The following MICU2 variants were observed in gnomAD, a reference collection of about 807,000 sequenced individuals.
MICU2 encodes calcium uptake protein 2, mitochondrial.
In MICU2, 64 loss-of-function variants were observed where a neutral mutation model predicts 60.4. The ratio of observed to expected loss-of-function variants is 1.06; its 90% confidence interval spans 0.87 to 1.31. MICU2 has a LOEUF of 1.31. MICU2 is among the 50% of genes most tolerant of loss of function. MICU2 has a pLI of 0.00. For synonymous variants in MICU2, 201 were observed against 175.0 expected (o/e 1.15, Z -1.17); for missense variants, 569 against 531.0 (o/e 1.07, Z -0.70).
intron 6 of MICU2, among the ~76,000 whole-genome samples, chr13:21,518,233 G>T (rs1464071864): frequency 6.6e-6 from 1 of 152,176 alleles, no homozygotes; most frequent in African/African-American, 2.4e-5. Context: ...ACAAATTCAG[G>T]AGTAGAGGCT....
chr13:21,568,359 C>T (rs774538776), intron 1 of MICU2, among the ~76,000 whole-genome samples: 2 of 147,356 alleles, frequency 1.4e-5, no homozygotes, highest in East Asian at 1.9e-4. Context: ...GAATATTGCA[C>T]GTGTACAGAA....
intron 2 of MICU2, among the ~76,000 whole-genome samples, chr13:21,559,830 T>C (rs1022475460): frequency 6.6e-6 from 1 of 152,166 alleles, no homozygotes; most frequent in African/African-American, 2.4e-5. Context: ...CAGCCCAAAG[T>C]AGTAGTTTCA....
At position 21,588,463 on chromosome 13, in the gene MICU2, C is replaced by T. The variant is rs573877316; in HGVS notation, c.210+15476G>A. ...CTCTCTGCTATATCCCGAAGTCCAGCACCCTGCAGGTCAGCCCCCAAGGGC... is the reference window on the plus strand; with the variant it reads ...CTCTCTGCTATATCCCGAAGTCCAGTACCCTGCAGGTCAGCCCCCAAGGGC... On this transcript the variant is annotated intron_variant, in intron 1 of 11. Coordinates refer to ENST00000382374, the MANE Select transcript of MICU2 (RefSeq NM_152726.3). Among the ~76,000 whole-genome samples, 3 of 152,348 alleles carry T rather than the reference C, an allele frequency of 2.0e-5. No individual in the cohort carries two copies. In the South Asian group the frequency reaches 6.2e-4, roughly 32 times the overall value.
intron 4 of MICU2, among the ~76,000 whole-genome samples, chr13:21,525,131 T>G (rs1298042942): frequency 6.6e-6 from 1 of 151,432 alleles, no homozygotes. Flanking sequence ...CTTTTGGGTA[T>G]ATACCCAGAA....
At position 21,525,652 on chromosome 13, in the gene MICU2, T is replaced by C. The variant is rs1886834820; in HGVS notation, c.467-3002A>G. 2.0e-5 allele frequency among the ~76,000 whole-genome samples: 3 copies of C among 152,022 alleles called. No homozygotes were observed. In the South Asian group the frequency reaches 6.2e-4, roughly 32 times the overall value. On this transcript the variant is annotated intron_variant, in intron 4 of 11. Coordinates refer to ENST00000382374, the MANE Select transcript of MICU2 (RefSeq NM_152726.3). ...ACGTGGTATCTCATTGCGGTTTTGA[T>C]TTGCATTTCCCTGATGATTAGTGAC...
intron 1 of MICU2, among the ~76,000 whole-genome samples, chr13:21,599,587 A>T (rs2031274): frequency 2.6e-5 from 4 of 152,152 alleles, no homozygotes; most frequent in Admixed American, 6.5e-5. Context: ...TTGGCCAGGT[A>T]TAACAACACC....
chr13:21,549,110 T>C (rs1172366502), intron 2 of MICU2, among the ~76,000 whole-genome samples: 1 of 151,700 alleles, frequency 6.6e-6, no homozygotes, highest in Non-Finnish European at 1.5e-5. Flanking sequence ...TTTGCATTTT[T>C]AGTAGAGACG....
chr13:21,561,926 T>C (rs1241921367), intron 2 of MICU2, among the ~76,000 whole-genome samples: 4 of 141,190 alleles, frequency 2.8e-5, no homozygotes, highest in Non-Finnish European at 4.6e-5. Context: ...GTGTTCTCAT[T>C]GTTCAATTCC....
chr13:21,535,497 T>C (rs1887109789), intron 4 of MICU2, among the ~76,000 whole-genome samples: 1 of 152,184 alleles, frequency 6.6e-6, no homozygotes, highest in Non-Finnish European at 1.5e-5. Context: ...TACTTGAAAT[T>C]TAAACATCTT....
At chr13:21,586,096 T>C (rs1888450792) in intron 1 of MICU2, among the ~76,000 whole-genome samples, 1 of 152,192 alleles carries the variant, frequency 6.6e-6, no homozygotes, top group South Asian at 2.1e-4. Context: ...GTCCTATATT[T>C]ATCATAATTG....
At chr13:21,536,362 C>CTTG (rs566090614) in intron 4 of MICU2, among the ~76,000 whole-genome samples, 79 of 150,568 alleles carry the variant, frequency 5.2e-4, no homozygotes, top group African/African-American at 1.8e-3. Flanking sequence ...GAGACACGGT[C>CTTG]TTGCTCTGTT....
chr13:21,532,938 T>G (rs1172238204), intron 4 of MICU2, among the ~76,000 whole-genome samples: 1 of 151,994 alleles, frequency 6.6e-6, no homozygotes, highest in Non-Finnish European at 1.5e-5. Context: ...TAAGTTTACA[T>G]AAGGTAGGAA....
At chr13:21,580,170 T>C (rs530748201) in intron 1 of MICU2, among the ~76,000 whole-genome samples, 158 of 152,268 alleles carry the variant, frequency 1.0e-3, no homozygotes, top group Non-Finnish European at 2.0e-3. Context: ...GGAAGCAGTA[T>C]AAAATTATGC....
intron 2 of MICU2, among the ~76,000 whole-genome samples, chr13:21,552,947 T>C (rs546969098): frequency 1.6e-3 from 246 of 152,332 alleles, no homozygotes; most frequent in African/African-American, 5.7e-3. Context: ...TTTAAAGTAG[T>C]TTTTTCCAAT....
intron 4 of MICU2, among the ~76,000 whole-genome samples, chr13:21,528,356 A>C (rs1466040500): frequency 1.3e-5 from 2 of 152,250 alleles, no homozygotes; most frequent in Non-Finnish European, 2.9e-5. Flanking sequence ...TATCTTCTGA[A>C]TCTTTTATAA....
chr13:21,498,228 A>G (rs1031003434), intron 9 of MICU2, among the ~76,000 whole-genome samples: 1 of 152,116 alleles, frequency 6.6e-6, no homozygotes, highest in African/African-American at 2.4e-5. Context: ...AAAGTTTTTG[A>G]AAAAGTAATA....
At chr13:21,516,681 A>AG (rs1886577683) in intron 6 of MICU2, among the ~76,000 whole-genome samples, 1 of 152,222 alleles carries the variant, frequency 6.6e-6, no homozygotes, top group South Asian at 2.1e-4. Context: ...TGATGTGACC[A>AG]GTCTTCTTAA....
intron 4 of MICU2, among the ~76,000 whole-genome samples, chr13:21,537,628 C>T (rs1388372372): frequency 6.6e-6 from 1 of 152,060 alleles, no homozygotes; most frequent in Non-Finnish European, 1.5e-5. Flanking sequence ...CGCCACCATG[C>T]CTGGCTAATT....
At chr13:21,568,391 C>A (rs1462742224) in intron 1 of MICU2, among the ~76,000 whole-genome samples, 2 of 152,126 alleles carry the variant, frequency 1.3e-5, no homozygotes, top group African/African-American at 2.4e-5. Context: ...TTGTAATGAT[C>A]TGTACCCTCA....
Sources: gnomAD v4.1 joint callset for allele counts (sites outside exome capture counted in the v4.1 genomes callset) on GRCh38, gnomAD v4.1.1 for gene constraint, MANE v1.5 for transcripts, NCBI Gene and HGNC (gene_info 2026-07-23, HGNC 2026-07-21) for gene names.